Variants in NCAM2 observed in about 807,000 individuals in gnomAD.
The protein encoded by NCAM2 is neural cell adhesion molecule 2, also known as N-CAM-2.
A neutral mutation model predicts 98.1 loss-of-function variants in NCAM2; 30 were observed. The ratio of observed to expected loss-of-function variants is 0.31; its 90% CI spans 0.23 to 0.41. NCAM2 has a LOEUF of 0.41. Among genes scored for constraint, NCAM2 ranks in the 10% least tolerant of loss-of-function variants. NCAM2 has a pLI of 1.00. For synonymous variants in NCAM2, 368 were observed against 342.4 expected, an observed-to-expected ratio of 1.07 and a Z score of -0.83; for missense variants, 867 against 1,005.8, an observed-to-expected ratio of 0.86 and a Z score of 1.87.
chr21:21,099,580 A>C (rs1208744727), intron 1 of NCAM2, among the ~76,000 whole-genome samples: 2 of 151,922 alleles, frequency 1.3e-5, no homozygotes, highest in Admixed American at 6.6e-5. Flanking sequence ...CATGAGGGTA[A>C]CAGACCCCAT....
At chr21:21,468,909 C>T in intron 14 of NCAM2, 126 bp downstream of exon 14, 1 of 829,122 alleles carries the variant, frequency 1.2e-6, no homozygotes, top group Non-Finnish European at 1.7e-6. Flanking sequence ...GCTAATCTTC[C>T]TTCCATTCCT....
intron 1 of NCAM2, among the ~76,000 whole-genome samples, chr21:21,215,189 C>T (rs1037426945): frequency 1.3e-5 from 2 of 151,938 alleles, no homozygotes; most frequent in African/African-American, 4.8e-5. Flanking sequence ...AAGTTATATG[C>T]ATAAAATTAT....
At chr21:21,247,121 C>T (rs2071303868) in intron 1 of NCAM2, among the ~76,000 whole-genome samples, 1 of 151,826 alleles carries the variant, frequency 6.6e-6, no homozygotes, top group Non-Finnish European at 1.5e-5. Flanking sequence ...AGATTGAGAC[C>T]ATCCTGGCTA....
rs1054970944 is a variant in NCAM2 at position 21,091,841 on chromosome 21, T to A, written c.55+93223T>A. 5.3e-5 allele frequency among the ~76,000 whole-genome samples: 8 copies of A among 152,136 alleles called. No homozygotes were observed. In the East Asian group the frequency reaches 1.2e-3, roughly 22 times the overall value. ...TTTCAATATTAGAAAATAGTTTTTT[T>A]AAAAAATACTCTTCCTTTGACTTTT... On this transcript the variant is annotated intron_variant, in intron 1 of 17. Transcript: ENST00000400546.
intron 2 of NCAM2, among the ~76,000 whole-genome samples, chr21:21,283,159 C>A (rs1294542314): frequency 2.0e-5 from 3 of 151,840 alleles, no homozygotes; most frequent in Non-Finnish European, 4.4e-5. Flanking sequence ...TTAAGATTCA[C>A]TAAACTTTCT....
rs990477926 is a variant in NCAM2 at position 21,021,189 on chromosome 21, T to G, written c.55+22571T>G. On this transcript the variant is annotated intron_variant, in intron 1 of 17. Transcript: ENST00000400546. ...CATTCTTTTTCTATGGATCATTTTT[T>G]TTTTGTAAATTCTTTGTTATGGGCC... is the stretch of plus-strand genomic sequence containing the variant. Among the ~76,000 whole-genome samples, 15 of 152,196 alleles carry G rather than the reference T, an allele frequency of 9.9e-5. 1 individual carries two copies. Among genetic ancestry groups the G allele is most frequent in the Non-Finnish European group, 1.6e-4 (11 of 68,028 alleles).
intron 1 of NCAM2, among the ~76,000 whole-genome samples, chr21:21,254,174 A>G (rs761595565): frequency 4.6e-5 from 7 of 152,240 alleles, no homozygotes; most frequent in Non-Finnish European, 1.0e-4. Context: ...CTTAGTATCA[A>G]AAGCCGCACT....
chr21:21,351,026 A>G (rs1211941021), intron 8 of NCAM2, among the ~76,000 whole-genome samples: 1 of 146,994 alleles, frequency 6.8e-6, no homozygotes, highest in African/African-American at 2.5e-5. Context: ...CTGAAGCAGA[A>G]TGGCGTGAAC....
intron 3 of NCAM2, among the ~76,000 whole-genome samples, chr21:21,284,661 G>A (rs970332787): frequency 2.6e-5 from 4 of 151,406 alleles, no homozygotes; most frequent in African/African-American, 9.7e-5. Flanking sequence ...AGAATTCACT[G>A]GGTATATAGA....
At chr21:21,388,234 C>T (rs1234447844) in intron 9 of NCAM2, among the ~76,000 whole-genome samples, 1 of 152,182 alleles carries the variant, frequency 6.6e-6, no homozygotes, top group East Asian at 1.9e-4. Flanking sequence ...AACATCAGTT[C>T]ATCAGGGTAA....
intron 5 of NCAM2, among the ~76,000 whole-genome samples, chr21:21,298,855 A>G (rs78266825): frequency 0.017 from 2,608 of 151,618 alleles, 73 homozygotes; most frequent in African/African-American, 0.06. Flanking sequence ...CCCTGATTAA[A>G]TATATGGCAG....
intron 1 of NCAM2, among the ~76,000 whole-genome samples, chr21:21,015,019 C>T (rs6417708): frequency 6.6e-6 from 1 of 151,916 alleles, no homozygotes; most frequent in Non-Finnish European, 1.5e-5. Flanking sequence ...GTGGAGCTTG[C>T]AGATGGGACT....
chr21:21,210,178 A>T (rs1275679653), intron 1 of NCAM2, among the ~76,000 whole-genome samples: 2 of 152,226 alleles, frequency 1.3e-5, no homozygotes, highest in Non-Finnish European at 1.5e-5. Context: ...TTACATTGAG[A>T]CATTTTATTA....
intron 8 of NCAM2, among the ~76,000 whole-genome samples, chr21:21,368,635 A>G (rs1012481141): frequency 6.6e-6 from 1 of 151,820 alleles, no homozygotes; most frequent in Non-Finnish European, 1.5e-5. Context: ...TATATGGTGC[A>G]TGGGACTAGC....
intron 5 of NCAM2, among the ~76,000 whole-genome samples, chr21:21,296,574 T>C (rs2073487975): frequency 6.6e-6 from 1 of 151,784 alleles, no homozygotes; most frequent in Non-Finnish European, 1.5e-5. Context: ...CGATGCTTTA[T>C]TAAAAACCTG....
At chr21:20,999,496 G>T (rs1177453868) in intron 1 of NCAM2, among the ~76,000 whole-genome samples, 2 of 152,212 alleles carry the variant, frequency 1.3e-5, no homozygotes, top group East Asian at 3.9e-4. Flanking sequence ...TACAATAAAT[G>T]GAAGCATTTT....
intron 8 of NCAM2, among the ~76,000 whole-genome samples, chr21:21,346,208 CAAA>C (rs57663409): frequency 2.7e-5 from 3 of 112,522 alleles, no homozygotes; most frequent in African/African-American, 3.1e-5. Flanking sequence ...CAACTGAAAC[CAAA>C]AAAAAAAAAA....
At chr21:21,223,436 A>G (rs951940103) in intron 1 of NCAM2, 1 of 152,124 alleles carries the variant, frequency 6.6e-6, no homozygotes, top group Admixed American at 6.6e-5. Flanking sequence ...TTTCTTTTCC[A>G]ATGTGTCACA....
rs1232823686 is a variant in NCAM2, at chr21:21,468,625, T to C, written c.1775-37T>C. The C allele has an allele frequency of 3.2e-6, 5 of 1,568,250 alleles. No homozygotes were observed. In the Admixed American group the frequency reaches 5.4e-5, roughly 17 times the overall value. On this transcript the variant is annotated intron_variant, in intron 13 of 17. Coordinates refer to ENST00000400546, the MANE Select transcript of NCAM2 (RefSeq NM_004540.5). ...ATATAGTTTATCTAGGTATCTGAAATGTGTGCAAATGAAGAAATGTTGTAT... is the reference window on the plus strand; with the variant it reads ...ATATAGTTTATCTAGGTATCTGAAACGTGTGCAAATGAAGAAATGTTGTAT...
Sources: gnomAD v4.1 joint callset for allele counts (sites outside exome capture counted in the v4.1 genomes callset) on GRCh38, gnomAD v4.1.1 for gene constraint, MANE v1.5 for transcripts, NCBI Gene and HGNC (gene_info 2026-07-23, HGNC 2026-07-21) for gene names.